Variants in ASIC4 observed in about 807,000 individuals in gnomAD.
ASIC4 encodes the protein acid-sensing ion channel 4.
ASIC4 carries 28 observed loss-of-function variants against 53.4 expected under a neutral mutation model. The ratio of observed to expected loss-of-function variants is 0.52; its 90% CI spans 0.39 to 0.72. The LOEUF is 0.72. Ranked by LOEUF, ASIC4 falls within the 30% of genes least tolerant of loss-of-function variation. The pLI is 0.00. For missense variants in ASIC4, 649 were observed against 729.7 expected, an observed-to-expected ratio of 0.89 and a Z score of 1.27; for synonymous variants, 289 against 301.4, an observed-to-expected ratio of 0.96 and a Z score of 0.43.
upstream of ASIC4, among the ~76,000 whole-genome samples, chr2:219,510,998 A>G (rs13012504): frequency 0.67 from 102,207 of 152,002 alleles, 34,952 homozygotes; most frequent in East Asian, 0.84. This position sits in a 1 kb window ranked among gnomAD's most constrained non-coding sequence, Gnocchi z 5.2. Context: ...GGACCAGCCC[A>G]GCCCCAGCCC....
intron 1 of ASIC4, among the ~76,000 whole-genome samples, chr2:219,522,681 G>T (rs1298175121): frequency 2.6e-5 from 4 of 151,998 alleles, no homozygotes; most frequent in African/African-American, 9.7e-5. Flanking sequence ...AGGCCCGCCA[G>T]CCAGGCCCAG....
chr2:219,537,841 G>A lies in ASIC4; in HGVS notation c.1507-92G>A, dbSNP rs1339018666. The stretch of plus-strand genomic sequence containing the variant: ...CTGTGGAGGGGGCCCTGGAGCCTCT[G>A]CCCGAGGTGACAAGGAAAGGCTGGC... On this transcript the variant is annotated intron_variant, in intron 9 of 9. Transcript: ENST00000358078. The surrounding 1 kb of genome is among the most constrained non-coding windows in gnomAD (Gnocchi z 4.9). The A allele has an allele frequency of 1.3e-6, 2 of 1,495,060 alleles. No homozygotes were observed. The highest frequency in any genetic ancestry group is 2.4e-5 in the South Asian group (2 of 83,574). 92.6% of individuals were successfully genotyped at this position (1,495,060 alleles called of 1,614,324 possible). A position where few individuals can be genotyped will look rare whatever the true frequency, so the allele number is the denominator to read the frequency against.
intron 1 of ASIC4, among the ~76,000 whole-genome samples, chr2:219,527,849 CCTT>C (rs571779042): frequency 3.0e-4 from 45 of 152,230 alleles, no homozygotes; most frequent in Admixed American, 8.5e-4. Context: ...CCTCATACCT[CCTT>C]CTGCAAATCT....
chr2:219,538,661 T>C lies in ASIC4; in HGVS notation c.*615T>C, dbSNP rs1296478509. 1 of 154,994 alleles carries C rather than the reference T, an allele frequency of 6.5e-6. No homozygotes were observed. The highest frequency in any genetic ancestry group is 1.4e-5 in the Non-Finnish European group (1 of 69,718). The allele number at this position is 154,994 out of a possible 1,614,324, so 9.6% of individuals were successfully genotyped here. The stretch of plus-strand genomic sequence containing the variant: ...TCTATAGGGAGGGGGCAGGAGACCT[T>C]CCAGACTTCGGCTGAGCTTGGAGGG... On this transcript the variant is annotated 3_prime_UTR_variant, in exon 10 of 10. Transcript: ENST00000358078.
intron 1 of ASIC4, among the ~76,000 whole-genome samples, chr2:219,529,921 TCTCAGGCA>T (rs937216992): frequency 3.3e-5 from 5 of 151,850 alleles, no homozygotes; most frequent in Admixed American, 6.6e-5. Flanking sequence ...GTGGTCTACT[TCTCAGGCA>T]TGGGGACTTC....
upstream of ASIC4, chr2:219,514,114 AG>A: frequency 1.8e-6 from 1 of 564,590 alleles, no homozygotes; most frequent in South Asian, 2.5e-5. Context: ...GAATGAGCTG[AG>A]GACCCTGGGC....
chr2:219,528,985 ACT>A (rs1383047743), intron 1 of ASIC4, among the ~76,000 whole-genome samples: 1 of 151,866 alleles, frequency 6.6e-6, no homozygotes, highest in Non-Finnish European at 1.5e-5. Context: ...TGGCCCATGG[ACT>A]CTCAGCCTTG....
upstream of ASIC4, among the ~76,000 whole-genome samples, chr2:219,513,930 C>G (rs1405314178): frequency 6.6e-6 from 1 of 152,208 alleles, no homozygotes; most frequent in Admixed American, 6.5e-5. Context: ...CTCTGCCCCC[C>G]TCCCTCCGTC....
At chr2:219,530,458 C>A (rs1695024959) in intron 1 of ASIC4, among the ~76,000 whole-genome samples, 1 of 152,276 alleles carries the variant, frequency 6.6e-6, no homozygotes, top group Non-Finnish European at 1.5e-5. Flanking sequence ...GGGCCAGAGG[C>A]TGGGGACACC....
chr2:219,515,340 A>T (rs547821886), intron 1 of ASIC4, 34 bp downstream of exon 1: 42 of 1,584,336 alleles, frequency 2.7e-5, no homozygotes, highest in Non-Finnish European at 3.4e-5. Context: ...CTGGCCTTGG[A>T]TGGCCGGAGG....
At chr2:219,512,056 G>C (rs1694708494), upstream of ASIC4, among the ~76,000 whole-genome samples, 1 of 152,004 alleles carries the variant, frequency 6.6e-6, no homozygotes, top group South Asian at 2.1e-4. Context: ...CTGGAGATCT[G>C]GGAGACTGGA....
chr2:219,514,376 T>TGGCGG, upstream of ASIC4: 1 of 1,546,324 alleles, frequency 6.5e-7, no homozygotes. Flanking sequence ...CTGCGCGGCG[T>TGGCGG]GGCGGAGCAG....
intron 2 of ASIC4, 31 bp from the exon 3 acceptor site, chr2:219,531,970 G>T: frequency 3.1e-6 from 5 of 1,613,828 alleles, no homozygotes; most frequent in Non-Finnish European, 4.2e-6. Flanking sequence ...CCTGGGATGG[G>T]TTTCCAAAGG....
chr2:219,515,237 C>G lies in ASIC4; in HGVS notation c.513C>G (p.His171Gln). ...TAGACATCCTCAACCGCACTGGCCA[C>G]CAGCTCGCCGACATGCTTAAGAGCT... ...DMVDILNRTG[H>Q]QLADMLKSCN... Residue 171 changes from histidine to glutamine, a missense_variant, in exon 1 of 10, where the codon CAC (histidine) becomes CAG (glutamine). His to Gln is a conservative substitution (Grantham distance 24, BLOSUM62 0). Coordinates refer to ENST00000358078, the MANE Select transcript of ASIC4 (RefSeq NM_018674.6). 6.2e-7 allele frequency: 1 copy of G among 1,614,196 alleles called. No individual in the cohort carries two copies. Among genetic ancestry groups the G allele is most frequent in the Non-Finnish European group, 8.5e-7 (1 of 1,180,008 alleles).
chr2:219,533,999 A>C (rs1695085150), intron 5 of ASIC4: 1 of 132,510 alleles, frequency 7.5e-6, no homozygotes, highest in South Asian at 2.5e-4. Flanking sequence ...ACACCATTGC[A>C]CTCTAGTCTG....
In ASIC4 at chr2:219,532,099, C is replaced by T. The variant is rs751690752; in HGVS notation, c.826C>T (p.Gln276Ter). The T allele has an allele frequency of 1.2e-6, 2 of 1,614,232 alleles. No homozygotes were observed. Among genetic ancestry groups the T allele is most frequent in the Non-Finnish European group, 1.7e-6 (2 of 1,180,040 alleles). ...QLGFGVSPGFQTFVSCQEQRL... is the reference protein window; with the variant it reads ...QLGFGVSPGF Reference sequence around the variant, plus strand: ...GGGGTTCGGGGTGTCCCCAGGCTTCCAGACCTTTGTGTCCTGCCAGGAACA... The same window carrying T: ...GGGGTTCGGGGTGTCCCCAGGCTTCTAGACCTTTGTGTCCTGCCAGGAACA... The change falls in exon 3 of 10, where the codon CAG (glutamine) becomes TAG (stop). Residue 276 changes from glutamine (Q) to a stop codon, truncating the protein, a stop_gained. Transcript: ENST00000358078. LOFTEE classifies it high-confidence loss of function.
chr2:219,512,170 C>G (rs1694710170), upstream of ASIC4, among the ~76,000 whole-genome samples: 1 of 152,118 alleles, frequency 6.6e-6, no homozygotes, highest in South Asian at 2.1e-4. Context: ...TGGAGCTCCC[C>G]TCACAGCACC....
chr2:219,538,060 C>A lies in ASIC4; in HGVS notation c.*14C>A. On this transcript the variant is annotated 3_prime_UTR_variant, in exon 10 of 10. Transcript: ENST00000358078. ...TTTGCTTGCTAGGACGGTGCTGTGACTGAAAGGACCCAGGAGTCTGGGACC... is the reference window on the plus strand; with the variant it reads ...TTTGCTTGCTAGGACGGTGCTGTGAATGAAAGGACCCAGGAGTCTGGGACC... 1 of 1,599,546 alleles carries A rather than the reference C, an allele frequency of 6.3e-7. No individual in the cohort carries two copies. The highest frequency in any genetic ancestry group is 8.6e-7 in the Non-Finnish European group (1 of 1,169,346).
At chr2:219,522,676 C>G (rs1032332816) in intron 1 of ASIC4, among the ~76,000 whole-genome samples, 5 of 152,026 alleles carry the variant, frequency 3.3e-5, no homozygotes, top group African/African-American at 1.2e-4. Flanking sequence ...GCTTCAGGCC[C>G]GCCAGCCAGG....
Sources: gnomAD v4.1 joint callset for allele counts (sites outside exome capture counted in the v4.1 genomes callset) on GRCh38, gnomAD v4.1.1 for gene constraint, Gnocchi (gnomAD v3.1) non-coding constraint, MANE v1.5 for transcripts, NCBI Gene and HGNC (gene_info 2026-07-23, HGNC 2026-07-21) for gene names.